ADIPOR1: variants seen among roughly 807,000 people sequenced by gnomAD.
ADIPOR1 encodes the protein adiponectin receptor protein 1.
In ADIPOR1, 15 loss-of-function variants were observed where a neutral mutation model predicts 37.5. The ratio of observed to expected loss-of-function variants is 0.40; its 90% CI spans 0.27 to 0.62. ADIPOR1 has a LOEUF of 0.62. ADIPOR1 is among the 20% of genes least tolerant of loss of function. The pLI, the probability that ADIPOR1 is intolerant of heterozygous loss-of-function variation, is 0.42. For synonymous variants in ADIPOR1, 173 were observed against 173.2 expected (o/e 1.00, Z 0.01); for missense variants, 286 against 478.0 (o/e 0.60, Z 3.75).
chr1:202,957,856 A>G (rs1450519919), intron 1 of ADIPOR1, among the ~76,000 whole-genome samples: 1 of 152,134 alleles, frequency 6.6e-6, no homozygotes, highest in Admixed American at 6.5e-5. Flanking sequence ...TCTGGTCCCG[A>G]TCTGGGGAAC....
chr1:202,949,005 G>C (rs929174996), intron 2 of ADIPOR1, among the ~76,000 whole-genome samples: 9 of 151,410 alleles, frequency 5.9e-5, no homozygotes, highest in Non-Finnish European at 1.0e-4. Flanking sequence ...TGGCCAGGCT[G>C]TTCTCAATCT....
At chr1:202,942,256 C>G (rs753467350) in intron 6 of ADIPOR1, 38 bp from the exon 7 acceptor site, 1 of 1,551,674 alleles carries the variant, frequency 6.4e-7, no homozygotes, top group East Asian at 2.3e-5. Flanking sequence ...AACAAGGAAA[C>G]AGCCACCGCA....
chr1:202,957,668 C>T (rs993470950), intron 1 of ADIPOR1, among the ~76,000 whole-genome samples: 5 of 152,286 alleles, frequency 3.3e-5, no homozygotes, highest in African/African-American at 9.6e-5. Context: ...CCCTTCCCAC[C>T]CCATCAAAGT....
intron 4 of ADIPOR1, among the ~76,000 whole-genome samples, chr1:202,946,157 A>G (rs565513985): frequency 6.6e-5 from 10 of 152,286 alleles, no homozygotes; most frequent in South Asian, 4.1e-4. Flanking sequence ...TTACTTTTAC[A>G]GTTGGAAATT....
chr1:202,946,004 T>G (rs1654299061), intron 4 of ADIPOR1, among the ~76,000 whole-genome samples: 1 of 135,656 alleles, frequency 7.4e-6, no homozygotes, highest in Non-Finnish European at 1.6e-5. Context: ...CCCACCCCTT[T>G]GTAACCCAAG....
chr1:202,947,250 A>T (rs1041287767), intron 3 of ADIPOR1, among the ~76,000 whole-genome samples: 1 of 152,126 alleles, frequency 6.6e-6, no homozygotes, highest in African/African-American at 2.4e-5. Context: ...GGCTGGGCGC[A>T]GTGGTTCACG....
intron 1 of ADIPOR1, among the ~76,000 whole-genome samples, chr1:202,952,569 C>A (rs916324704): frequency 6.6e-6 from 1 of 152,216 alleles, no homozygotes; most frequent in Non-Finnish European, 1.5e-5. Flanking sequence ...CTCCTTCCCT[C>A]CTGGAGCTGG....
At chr1:202,943,390 T>G (rs889209820) in intron 6 of ADIPOR1, among the ~76,000 whole-genome samples, 5 of 152,238 alleles carry the variant, frequency 3.3e-5, no homozygotes, top group Admixed American at 3.3e-4. Flanking sequence ...TTCCATTCCC[T>G]TAGTAAAATG....
chr1:202,946,539 C>A lies in ADIPOR1; in HGVS notation c.330G>T (p.Leu110=), dbSNP rs1178779348. The change falls in exon 4 of 8, where the codon CTG becomes CTT. Residue 110 remains leucine, a synonymous_variant. Coordinates refer to ENST00000340990, the MANE Select transcript of ADIPOR1 (RefSeq NM_015999.6). ...GCATGGGAGGTCTATGACCATGTAG[C>A]AGATAGTCGTTGTCCTTTAGCCAGT... ...LPDWLKDNDY[L]LHGHRPPMPS... 1.2e-6 allele frequency: 2 copies of A among 1,614,058 alleles called. No homozygotes were observed. The highest frequency in any genetic ancestry group is 2.2e-5 in the South Asian group (2 of 91,086).
chr1:202,950,253 G>A (rs1305716524), intron 2 of ADIPOR1, among the ~76,000 whole-genome samples: 1 of 151,542 alleles, frequency 6.6e-6, no homozygotes. Context: ...GTGAGCCACC[G>A]TGCCCGGCCC....
At chr1:202,945,307 T>C (rs1284088385) in intron 4 of ADIPOR1, 138 bp from the exon 5 acceptor site, 3 of 832,520 alleles carry the variant, frequency 3.6e-6, no homozygotes, top group Admixed American at 6.2e-5. Flanking sequence ...CACAATGAAA[T>C]ACCACCTTAC....
intron 1 of ADIPOR1, among the ~76,000 whole-genome samples, chr1:202,952,940 A>G (rs1348280298): frequency 6.6e-6 from 1 of 152,254 alleles, no homozygotes; most frequent in East Asian, 1.9e-4. Context: ...AATCTAGTCC[A>G]AGAGAGACAA....
intron 5 of ADIPOR1, 90 bp downstream of exon 5, chr1:202,944,893 T>C: frequency 7.9e-7 from 1 of 1,262,132 alleles, no homozygotes; most frequent in Non-Finnish European, 1.1e-6. Flanking sequence ...CCTTTAGGAG[T>C]GATATGAGCT....
chr1:202,955,227 T>C (rs1350951920), intron 1 of ADIPOR1, among the ~76,000 whole-genome samples: 2 of 132,818 alleles, frequency 1.5e-5, no homozygotes, highest in Non-Finnish European at 3.3e-5. Context: ...CCAACAGAAG[T>C]CTTTTTTTTT....
intron 5 of ADIPOR1, chr1:202,944,214 G>A (rs1654215313): frequency 6.6e-6 from 2 of 302,792 alleles, no homozygotes; most frequent in South Asian, 1.7e-4. Context: ...ATCTCCCATA[G>A]TAGACACTTG....
chr1:202,956,429 G>A (rs1156796568), intron 1 of ADIPOR1, among the ~76,000 whole-genome samples: 11 of 152,188 alleles, frequency 7.2e-5, no homozygotes, highest in Non-Finnish European at 1.5e-5. Flanking sequence ...AATACCGATT[G>A]ATTACTTACA....
intron 2 of ADIPOR1, among the ~76,000 whole-genome samples, chr1:202,948,733 T>C (rs57914991): frequency 0.047 from 7,224 of 152,140 alleles, 446 homozygotes; most frequent in East Asian, 0.21. Flanking sequence ...AGGATAGTGG[T>C]TCTTAACTTT....
intron 3 of ADIPOR1, 29 bp downstream of exon 3, chr1:202,948,275 C>T (rs1314970444): frequency 1.3e-6 from 2 of 1,547,822 alleles, no homozygotes; most frequent in Non-Finnish European, 1.8e-6. Flanking sequence ...TGCCCTTCCC[C>T]TTCCAGGACA....
chr1:202,948,371 A>G lies in ADIPOR1; in HGVS notation c.191T>C (p.Val64Ala). 6.2e-7 allele frequency: 1 copy of G among 1,612,134 alleles called. No individual in the cohort carries two copies. Among genetic ancestry groups the G allele is most frequent in the Non-Finnish European group, 8.5e-7 (1 of 1,179,582 alleles). ...CPVPQEEEEEVRVLTLPLQAH... is the reference protein window; with the variant it reads ...CPVPQEEEEEARVLTLPLQAH... The stretch of plus-strand genomic sequence containing the variant: ...TTGCAGGGGAAGTGTCAGTACCCGC[A>G]CCTCCTCCTCTTCTTCCTGGGGCAC... Residue 64 changes from valine to alanine, a missense_variant, in exon 3 of 8, where the codon GTG becomes GCG. Val to Ala is a moderately conservative substitution (Grantham distance 64, BLOSUM62 0). Transcript: ENST00000340990.
Sources: allele counts gnomAD v4.1 joint callset (sites outside exome capture counted in the v4.1 genomes callset), GRCh38; gene constraint gnomAD v4.1.1; transcripts MANE v1.5; gene names NCBI Gene and HGNC (gene_info 2026-07-23, HGNC 2026-07-21).